PJA2: variants seen among roughly 807,000 people sequenced by gnomAD.
PJA2 encodes the protein praja ring finger ubiquitin ligase 2, also known as E3 ubiquitin-protein ligase Praja-2.
In PJA2, 25 loss-of-function variants were observed where a neutral mutation model predicts 69.3. The observed-to-expected ratio is 0.36, with a 90% CI of 0.26 to 0.50. PJA2 has a LOEUF of 0.50. Ranked by LOEUF, PJA2 falls within the 20% of genes least tolerant of loss-of-function variation. The pLI is 0.96. For synonymous variants in PJA2, 308 were observed against 277.8 expected, an observed-to-expected ratio of 1.11 and a Z score of -1.08; for missense variants, 809 against 830.2, an observed-to-expected ratio of 0.97 and a Z score of 0.31.
chr5:109,342,441 C>G (rs1272649531), intron 9 of PJA2, among the ~76,000 whole-genome samples: 1 of 136,268 alleles, frequency 7.3e-6, no homozygotes, highest in African/African-American at 2.8e-5. Context: ...GTCGGCCCCC[C>G]GCCCGGCCAG....
chr5:109,344,569 T>C lies in PJA2; in HGVS notation c.1879+136A>G, dbSNP rs1762142499. 4.5e-6 allele frequency: 3 copies of C among 671,888 alleles called. No individual in the cohort carries two copies. In the East Asian group the frequency reaches 8.6e-5, roughly 19 times the overall value. 41.6% of individuals were successfully genotyped at this position (671,888 alleles called of 1,614,324 possible). Reference sequence around the variant, plus strand: ...AAATATTCTTGTACTAGGTGAAAGTTTGTGAGCATCTGGTTTCTATAAAAA... The same window carrying C: ...AAATATTCTTGTACTAGGTGAAAGTCTGTGAGCATCTGGTTTCTATAAAAA... On this transcript the variant is annotated intron_variant, in intron 8 of 9. Transcript: ENST00000361189.
In PJA2 at chr5:109,409,947, T is replaced by TGGCGGCTGTGGCGGC. The variant is rs1582638804; in HGVS notation, c.-208_-194dup. The stretch of plus-strand genomic sequence containing the variant: ...CCTCCCCCGCCGAACGCGAAGCGGC[T>TGGCGGCTGTGGCGGC]GGCGGCTGTGGCGGCGGCGGCGGCG... On this transcript the variant is annotated 5_prime_UTR_variant, in exon 1 of 10. Transcript: ENST00000361189. The TGGCGGCTGTGGCGGC allele has an allele frequency of 4.8e-6, 1 of 210,362 alleles. No homozygotes were observed. Among genetic ancestry groups the TGGCGGCTGTGGCGGC allele is most frequent in the East Asian group, 1.7e-4 (1 of 6,048 alleles). The allele number at this position is 210,362 out of a possible 1,614,324, so 13.0% of individuals were successfully genotyped here.
chr5:109,392,133 T>C (rs1747295139), intron 1 of PJA2, among the ~76,000 whole-genome samples: 1 of 152,136 alleles, frequency 6.6e-6, no homozygotes, highest in African/African-American at 2.4e-5. Context: ...TGGCCAAGAA[T>C]AACCAAAGTT....
intron 1 of PJA2, among the ~76,000 whole-genome samples, chr5:109,390,476 C>T (rs368241531): frequency 8.6e-5 from 13 of 151,962 alleles, no homozygotes; most frequent in Admixed American, 3.9e-4. Context: ...TTGTAAAGTG[C>T]TTTTCTTATA....
intron 1 of PJA2, among the ~76,000 whole-genome samples, chr5:109,385,502 T>C (rs1166602570): frequency 6.6e-6 from 1 of 152,138 alleles, no homozygotes; most frequent in Non-Finnish European, 1.5e-5. Flanking sequence ...TTGAAGAAAA[T>C]ATATTCAGTT....
At chr5:109,345,138 G>A (rs1408778199) in intron 7 of PJA2, among the ~76,000 whole-genome samples, 3 of 143,814 alleles carry the variant, frequency 2.1e-5, no homozygotes, top group Non-Finnish European at 3.0e-5. Flanking sequence ...GAGGTCAGGA[G>A]TTCAAGACAG....
rs895136736 is a variant in PJA2, at chr5:109,335,494, G to A, written c.*1737C>T. On this transcript the variant is annotated 3_prime_UTR_variant, in exon 10 of 10. Coordinates refer to ENST00000361189, the MANE Select transcript of PJA2 (RefSeq NM_014819.5). ...TTAATATAGTCTAAATATAATGTGT[G>A]GCTTATTATAGAGAAATCTTTAGCA... The A allele has an allele frequency of 6.6e-6, 1 of 152,248 alleles. No homozygotes were observed. The highest frequency in any genetic ancestry group is 1.5e-5 in the Non-Finnish European group (1 of 68,014). The allele number at this position is 152,248 out of a possible 1,614,324, so 9.4% of individuals were successfully genotyped here.
rs1293525306 is a variant in PJA2, at chr5:109,343,894, G to A, written c.2001+296C>T. 4.6e-5 allele frequency among the ~76,000 whole-genome samples: 7 copies of A among 151,938 alleles called. No individual in the cohort carries two copies. The East Asian group carries it at 5.8e-4, about 13-fold the overall frequency. ...GCGGATCACCTGAGGTCAGGAGTTC[G>A]AGACCAGCCTGACCAACATGGCGAA... is the stretch of plus-strand genomic sequence containing the variant. On this transcript the variant is annotated intron_variant, in intron 9 of 9. Transcript: ENST00000361189.
At chr5:109,398,054 C>CTCA (rs1262335335) in intron 1 of PJA2, among the ~76,000 whole-genome samples, 1 of 152,160 alleles carries the variant, frequency 6.6e-6, no homozygotes, top group Non-Finnish European at 1.5e-5. Context: ...TGAAAAAATG[C>CTCA]TCATCATCAC....
intron 3 of PJA2, 127 bp from the exon 4 acceptor site, chr5:109,379,381 C>CT: frequency 1.4e-6 from 1 of 692,892 alleles, no homozygotes; most frequent in Non-Finnish European, 2.4e-6. Context: ...AATTTATTTA[C>CT]CAAGCACTTC....
At chr5:109,393,370 A>G (rs1283346485) in intron 1 of PJA2, among the ~76,000 whole-genome samples, 1 of 152,266 alleles carries the variant, frequency 6.6e-6, no homozygotes, top group African/African-American at 2.4e-5. Context: ...GGCAATTTTC[A>G]TATTACAGCT....
intron 9 of PJA2, among the ~76,000 whole-genome samples, chr5:109,340,368 C>A (rs192593617): frequency 1.1e-3 from 163 of 147,928 alleles, no homozygotes; most frequent in African/African-American, 3.8e-3. Context: ...AATAGAGGAA[C>A]AGCAAAGAAA....
intron 9 of PJA2, among the ~76,000 whole-genome samples, chr5:109,342,531 T>C (rs1424205968): frequency 3.0e-5 from 2 of 66,662 alleles, no homozygotes; most frequent in Admixed American, 1.8e-4. Flanking sequence ...GTGGGGGGGG[T>C]CAGCTCCCCC....
At chr5:109,352,524 A>G (rs551203602) in intron 7 of PJA2, among the ~76,000 whole-genome samples, 14 of 152,132 alleles carry the variant, frequency 9.2e-5, no homozygotes, top group Admixed American at 3.3e-4. Context: ...GAATTTGCCA[A>G]GGCAGGTTAA....
intron 7 of PJA2, among the ~76,000 whole-genome samples, chr5:109,354,902 G>A (rs79199311): frequency 0.022 from 3,282 of 151,738 alleles, 38 homozygotes; most frequent in Middle Eastern, 0.079. Flanking sequence ...ACTGCTTCAG[G>A]GCAGGAGTTT....
intron 4 of PJA2, among the ~76,000 whole-genome samples, chr5:109,373,927 T>C (rs1394474210): frequency 6.6e-6 from 1 of 152,206 alleles, no homozygotes; most frequent in African/African-American, 2.4e-5. Context: ...TCTCATTCCA[T>C]AATTCCCCAA....
chr5:109,408,257 A>G (rs1259892921), intron 1 of PJA2, among the ~76,000 whole-genome samples: 8 of 152,194 alleles, frequency 5.3e-5, no homozygotes, highest in Non-Finnish European at 1.2e-4. Context: ...TTTTAAAATC[A>G]AGGATGAATT....
chr5:109,397,072 G>A (rs145142058), intron 1 of PJA2, among the ~76,000 whole-genome samples: 1 of 152,124 alleles, frequency 6.6e-6, no homozygotes, highest in Non-Finnish European at 1.5e-5. Context: ...CCTTATAAAA[G>A]GCTGGGGGAA....
chr5:109,384,045 C>A (rs937820087), intron 1 of PJA2, among the ~76,000 whole-genome samples: 2 of 152,184 alleles, frequency 1.3e-5, no homozygotes, highest in Non-Finnish European at 2.9e-5. Context: ...ATAAACCTTG[C>A]CTAAGTATAT....
Sources: gnomAD v4.1 joint callset for allele counts (sites outside exome capture counted in the v4.1 genomes callset) on GRCh38, gnomAD v4.1.1 for gene constraint, MANE v1.5 for transcripts, NCBI Gene and HGNC (gene_info 2026-07-23, HGNC 2026-07-21) for gene names.